Variants in DST observed in about 807,000 individuals in gnomAD.
DST encodes the protein bullous pemphigoid antigen.
A neutral mutation model predicts 875.2 loss-of-function variants in DST; 253 were observed. The ratio of observed to expected loss-of-function variants is 0.29; its 90% confidence interval spans 0.26 to 0.32. The LOEUF is 0.32. Ranked by LOEUF, DST falls within the 10% of genes least tolerant of loss-of-function variation. The pLI is 1.00. For synonymous variants in DST, 3,124 were observed against 3,197.1 expected (o/e 0.98, Z 0.77); for missense variants, 8,287 against 9,111.6 (o/e 0.91, Z 3.68).
rs1586309023 is a variant in DST at position 56,603,099 on chromosome 6, T to C, written c.11158-68A>G. 3.9e-6 allele frequency: 6 copies of C among 1,537,522 alleles called. No individual in the cohort carries two copies. In the South Asian group the frequency reaches 7.6e-5, roughly 19 times the overall value. On this transcript the variant is annotated intron_variant, in intron 42 of 103. Coordinates refer to ENST00000680361, the MANE Select transcript of DST (RefSeq NM_001374736.1). ...GTCAAATTCTTACAAATAATGACTG[T>C]GGTTTAAGAGTTAGCACTCTAAAAC... is the stretch of plus-strand genomic sequence containing the variant.
chr6:56,703,785 C>T lies in DST; in HGVS notation c.778-39G>A, dbSNP rs145472718. On this transcript the variant is annotated intron_variant, in intron 6 of 103. Coordinates refer to ENST00000680361, the MANE Select transcript of DST (RefSeq NM_001374736.1). ...CAGACAGAAGATAGGACAGCAAAGA[C>T]ACAAGACAGACCAGAAATGAAAAGA... 21 of 758,518 alleles carry T rather than the reference C, an allele frequency of 2.8e-5. 2 individuals carry two copies. In the African/African-American group the frequency reaches 4.0e-4, roughly 15 times the overall value. 47.0% of individuals were successfully genotyped at this position (758,518 alleles called of 1,614,324 possible). A position where few individuals can be genotyped will look rare whatever the true frequency, so the allele number is the denominator to read the frequency against.
chr6:56,493,862 C>T, intron 83 of DST, 148 bp downstream of exon 83: 1 of 516,890 alleles, frequency 1.9e-6, no homozygotes, highest in Non-Finnish European at 3.1e-6. Context: ...TTTCAACTAC[C>T]CCATGAAATC....
intron 16 of DST, 104 bp downstream of exon 16, chr6:56,642,306 G>A: frequency 1.1e-6 from 1 of 929,466 alleles, no homozygotes; most frequent in Non-Finnish European, 1.8e-6. Flanking sequence ...TTTCAGTGGA[G>A]AGTATTACGA....
intron 90 of DST, among the ~76,000 whole-genome samples, chr6:56,478,664 A>G (rs1177161595): frequency 1.3e-5 from 2 of 152,192 alleles, no homozygotes; most frequent in Non-Finnish European, 2.9e-5. Flanking sequence ...AGAATGTTAG[A>G]GATCTGCAAA....
At chr6:56,731,849 T>C (rs2099499933) in intron 5 of DST, among the ~76,000 whole-genome samples, 1 of 152,192 alleles carries the variant, frequency 6.6e-6, no homozygotes, top group Non-Finnish European at 1.5e-5. Flanking sequence ...AGTTGCAAGT[T>C]TGGGCTTAGA....
At chr6:56,671,830 G>C (rs953123985) in intron 9 of DST, among the ~76,000 whole-genome samples, 1 of 152,192 alleles carries the variant, frequency 6.6e-6, no homozygotes, top group African/African-American at 2.4e-5. Flanking sequence ...AAATCATTCT[G>C]TCACAGGGAA....
At chr6:56,803,058 T>TA (rs2099749104) in intron 4 of DST, among the ~76,000 whole-genome samples, 2 of 152,216 alleles carry the variant, frequency 1.3e-5, no homozygotes, top group Non-Finnish European at 2.9e-5. Flanking sequence ...TTTAATGTGT[T>TA]AAGCATTGAG....
At position 56,562,730 on chromosome 6, in the gene DST, A is replaced by AC. The variant is rs1047757298; in HGVS notation, c.14006-531dup. Among the ~76,000 whole-genome samples, 6 of 150,892 alleles carry AC rather than the reference A, an allele frequency of 4.0e-5. No homozygotes were observed. The South Asian group carries it at 8.4e-4, about 21-fold the overall frequency. ...TACATTATTTCTCCTAATGCTATCCACCCCCCAGGCCCCCCACCCCCTGAC... is the reference window on the plus strand; with the variant it reads ...TACATTATTTCTCCTAATGCTATCCACCCCCCCAGGCCCCCCACCCCCTGAC... On this transcript the variant is annotated intron_variant, in intron 55 of 103. Transcript: ENST00000680361.
At chr6:56,871,089 GAA>G (rs1243526673) in intron 3 of DST, 1 of 527,104 alleles carries the variant, frequency 1.9e-6, no homozygotes, top group African/African-American at 1.9e-5. Flanking sequence ...TTGCAGAAGA[GAA>G]AACATATATG....
intron 47 of DST, 144 bp downstream of exon 47, chr6:56,597,596 T>A: frequency 1.3e-6 from 1 of 758,818 alleles, no homozygotes; most frequent in South Asian, 2.7e-5. Flanking sequence ...AGAACTCTCA[T>A]AATAATTTAT....
intron 4 of DST, among the ~76,000 whole-genome samples, chr6:56,783,029 C>A (rs530365977): frequency 2.0e-4 from 31 of 152,128 alleles, no homozygotes; most frequent in African/African-American, 5.1e-4. Flanking sequence ...TGCAGTTGAG[C>A]GGTTTTGAGT....
At chr6:56,516,770 G>A (rs1439317641) in intron 71 of DST, among the ~76,000 whole-genome samples, 1 of 152,072 alleles carries the variant, frequency 6.6e-6, no homozygotes, top group Non-Finnish European at 1.5e-5. Context: ...ATAGCTTACT[G>A]TAACTTTATA....
intron 49 of DST, among the ~76,000 whole-genome samples, chr6:56,590,617 G>GA (rs551058303): frequency 7.3e-5 from 11 of 149,892 alleles, no homozygotes; most frequent in African/African-American, 1.7e-4. Flanking sequence ...AAAGGAGAAA[G>GA]AAAAAAAAAC....
At chr6:56,675,868 A>G (rs2099126414) in intron 9 of DST, among the ~76,000 whole-genome samples, 1 of 152,122 alleles carries the variant, frequency 6.6e-6, no homozygotes, top group Non-Finnish European at 1.5e-5. Context: ...AAATAAATAA[A>G]CAAATAATTC....
chr6:56,667,118 C>G (rs891412758), intron 10 of DST, among the ~76,000 whole-genome samples: 1 of 152,072 alleles, frequency 6.6e-6, no homozygotes, highest in African/African-American at 2.4e-5. Context: ...GTGTGCTGCC[C>G]AGGCTGGTCT....
chr6:56,464,671 G>C lies in DST; in HGVS notation c.22759+14C>G, dbSNP rs1167719102. On this transcript the variant is annotated intron_variant, in intron 100 of 103. Transcript: ENST00000680361. ...AAAGGAAAGAGGGGAGAGGCAAAGA[G>C]AGAGGTTGCCAACCTATAGTAGGCT... 2 of 1,568,968 alleles carry C rather than the reference G, an allele frequency of 1.3e-6. No individual in the cohort carries two copies. Among genetic ancestry groups the C allele is most frequent in the Non-Finnish European group, 1.7e-6 (2 of 1,149,034 alleles).
At chr6:56,616,581 T>C in intron 36 of DST, 1 of 1,614,148 alleles carries the variant, frequency 6.2e-7, no homozygotes, top group South Asian at 1.1e-5. Flanking sequence ...TGCTTGTTAT[T>C]GGGATTAGGG....
intron 4 of DST, among the ~76,000 whole-genome samples, chr6:56,837,568 A>G (rs117056705): frequency 1.0e-3 from 154 of 152,254 alleles, no homozygotes; most frequent in East Asian, 3.1e-3. Context: ...CTCACTGCCT[A>G]AAGAATAGGC....
Position 56,459,128 on chromosome 6 carries a change from G to A in DST, c.23334C>T (p.Val7778=), listed in dbSNP as rs749163618. The A allele has an allele frequency of 6.2e-7, 1 of 1,613,368 alleles. No homozygotes were observed. Among genetic ancestry groups the A allele is most frequent in the East Asian group, 2.2e-5 (1 of 44,812 alleles). The change falls in exon 104 of 104, where the codon GTC becomes GTT. Residue 7778 remains valine (V), a synonymous_variant. Coordinates refer to ENST00000680361, the MANE Select transcript of DST (RefSeq NM_001374736.1). The part of the protein sequence containing the change: ...IQSVCSDVET[V]PQTHRPTPRA... The stretch of plus-strand genomic sequence containing the variant: ...GGGGTGTAGGTCTGTGTGTCTGGGG[G>A]ACAGTTTCCACATCTGAGCACACGG...
Sources: allele counts gnomAD v4.1 joint callset (sites outside exome capture counted in the v4.1 genomes callset), GRCh38; gene constraint gnomAD v4.1.1; transcripts MANE v1.5; gene names NCBI Gene and HGNC (gene_info 2026-07-23, HGNC 2026-07-21).